Variants in CLPTM1 observed in about 807,000 individuals in gnomAD.
CLPTM1 encodes the protein putative lipid scramblase CLPTM1.
In CLPTM1, 21 loss-of-function variants were observed where a neutral mutation model predicts 77.3. The observed-to-expected ratio is 0.27, with a 90% confidence interval of 0.19 to 0.39. The LOEUF (loss-of-function observed/expected upper bound fraction) is 0.39, where lower values mean the gene tolerates loss of function less well. CLPTM1 is among the 10% of genes least tolerant of loss of function. The pLI, the probability that CLPTM1 is intolerant of heterozygous loss-of-function variation, is 1.00. For synonymous variants in CLPTM1, 373 were observed against 381.0 expected (o/e 0.98, Z 0.24); for missense variants, 642 against 921.2 (o/e 0.70, Z 3.92).
At chr19:44,977,665 A>G (rs1426083860) in intron 5 of CLPTM1, among the ~76,000 whole-genome samples, 5 of 152,128 alleles carry the variant, frequency 3.3e-5, no homozygotes, top group African/African-American at 4.8e-5. Flanking sequence ...CCCACGGAGG[A>G]AGGGAGACCC....
intron 2 of CLPTM1, among the ~76,000 whole-genome samples, chr19:44,963,207 CAAAAAAAA>C (rs778157562): frequency 6.9e-5 from 2 of 29,058 alleles, no homozygotes; most frequent in Admixed American, 4.5e-4. Context: ...GACTCCATCT[CAAAAAAAA>C]AAAAAAAAAA....
At chr19:44,983,014 T>A (rs1970922242) in intron 5 of CLPTM1, among the ~76,000 whole-genome samples, 1 of 150,332 alleles carries the variant, frequency 6.7e-6, no homozygotes, top group Non-Finnish European at 1.5e-5. Flanking sequence ...TGAGCTGAAG[T>A]CATGCCACTG....
intron 2 of CLPTM1, among the ~76,000 whole-genome samples, chr19:44,971,839 A>C (rs204483): frequency 6.7e-6 from 1 of 148,968 alleles, no homozygotes; most frequent in Non-Finnish European, 1.5e-5. Flanking sequence ...GATTACAAGC[A>C]TGAGCTGCTA....
chr19:44,963,184 G>A (rs1970571593), intron 2 of CLPTM1, among the ~76,000 whole-genome samples: 1 of 136,048 alleles, frequency 7.4e-6, no homozygotes, highest in Admixed American at 7.4e-5. Context: ...ATTCCAGCCT[G>A]GGGACAGAGT....
intron 1 of CLPTM1, among the ~76,000 whole-genome samples, chr19:44,959,307 G>A (rs1173137363): frequency 6.6e-6 from 1 of 151,446 alleles, no homozygotes; most frequent in Non-Finnish European, 1.5e-5. Flanking sequence ...GGATCCTCCT[G>A]CCTTGGCCTC....
rs569366880 is a variant in CLPTM1 at position 44,985,798 on chromosome 19, C to CGGGTGGTCCTGTGTTGGGG, written c.672+505_672+523dup. On this transcript the variant is annotated intron_variant, in intron 6 of 13. Transcript: ENST00000337392. ...GGCACTAAGAGACTTCCTCTCTCTGCGGGTGGTCCTGTGTTGGGGGGGTGG... is the reference window on the plus strand; with the variant it reads ...GGCACTAAGAGACTTCCTCTCTCTGCGGGTGGTCCTGTGTTGGGGGGGTGGTCCTGTGTTGGGGGGGTGG... Among the ~76,000 whole-genome samples the CGGGTGGTCCTGTGTTGGGG allele has an allele frequency of 3.6e-3, 545 of 152,250 alleles. 4 individuals are homozygous for CGGGTGGTCCTGTGTTGGGG. Among genetic ancestry groups the CGGGTGGTCCTGTGTTGGGG allele is most frequent in the African/African-American group, 0.013 (520 of 41,484 alleles).
chr19:44,990,540 G>A lies in CLPTM1; in HGVS notation c.1278G>A (p.Gly426=). 1 of 1,614,012 alleles carries A rather than the reference G, an allele frequency of 6.2e-7. No homozygotes were observed. Among genetic ancestry groups the A allele is most frequent in the Non-Finnish European group, 8.5e-7 (1 of 1,179,958 alleles). ...NFVVQVSVFI[G]VLIDLWKITK... ...TGGTCCAGGTCAGCGTCTTCATTGG[G>A]GTCCTCATCGACCTCTGGAAGATCA... Residue 426 remains glycine (G), a synonymous_variant, in exon 10 of 14, where the codon GGG becomes GGA. Transcript: ENST00000337392. This position sits in a 1 kb window ranked among gnomAD's most constrained non-coding sequence, Gnocchi z 4.8.
At chr19:44,970,400 ATTT>A (rs34309230) in intron 2 of CLPTM1, among the ~76,000 whole-genome samples, 23 of 119,996 alleles carry the variant, frequency 1.9e-4, no homozygotes, top group Non-Finnish European at 2.8e-4. Flanking sequence ...CTGGGCTAGC[ATTT>A]TTTTTTTTTT....
upstream of CLPTM1, chr19:44,955,156 G>A: frequency 6.5e-7 from 1 of 1,535,746 alleles, no homozygotes; most frequent in Admixed American, 2.0e-5. Context: ...AAGTCCTGGA[G>A]TTCGGAGCAT....
intron 2 of CLPTM1, among the ~76,000 whole-genome samples, chr19:44,968,339 CAT>C (rs1970666868): frequency 6.6e-6 from 1 of 152,092 alleles, no homozygotes; most frequent in African/African-American, 2.4e-5. Context: ...TTTTTGAGCA[CAT>C]GTGGTTACCT....
At chr19:44,982,836 G>T (rs970405502) in intron 5 of CLPTM1, among the ~76,000 whole-genome samples, 13 of 152,220 alleles carry the variant, frequency 8.5e-5, no homozygotes, top group Admixed American at 6.5e-4. Context: ...GCCGAGGCAG[G>T]TGGATCACTT....
At chr19:44,984,688 T>C (rs1160638205) in intron 5 of CLPTM1, 1 of 153,322 alleles carries the variant, frequency 6.5e-6, no homozygotes, top group African/African-American at 2.4e-5. Context: ...TGTTTGTTTG[T>C]TTTCTTTTTC....
chr19:44,955,533 C>T, intron 1 of CLPTM1, 66 bp downstream of exon 1: 8 of 1,236,464 alleles, frequency 6.5e-6, no homozygotes, highest in Non-Finnish European at 8.2e-6. Context: ...CGGGGCGTGT[C>T]CTACCTCTTG....
chr19:44,986,316 T>G, intron 6 of CLPTM1, 139 bp from the exon 7 acceptor site: 1 of 1,135,576 alleles, frequency 8.8e-7, no homozygotes, highest in South Asian at 1.5e-5. Context: ...TTGGGCAGCA[T>G]AGTGAGACCC....
Position 44,965,592 on chromosome 19 carries a change from T to C in CLPTM1, c.185+3517T>C, listed in dbSNP as rs189592875. Reference sequence around the variant, plus strand: ...ACTTTGGGAGGCCAAGGCAAGCAGATCACGAGGTCAGGAGATCGAGACCAT... The same window carrying C: ...ACTTTGGGAGGCCAAGGCAAGCAGACCACGAGGTCAGGAGATCGAGACCAT... On this transcript the variant is annotated intron_variant, in intron 2 of 13. Transcript: ENST00000337392. 3.9e-3 allele frequency among the ~76,000 whole-genome samples: 588 copies of C among 151,900 alleles called. 6 individuals are homozygous for C. The highest frequency in any genetic ancestry group is 3.6e-3 in the Non-Finnish European group (242 of 67,974).
chr19:44,974,446 A>G lies in CLPTM1; in HGVS notation c.317A>G (p.His106Arg). 1.2e-6 allele frequency: 2 copies of G among 1,613,126 alleles called. No homozygotes were observed. The highest frequency in any genetic ancestry group is 1.7e-6 in the Non-Finnish European group (2 of 1,179,204). Residue 106 changes from histidine (H) to arginine (R), a missense_variant, in exon 4 of 14, where the codon CAT (histidine) becomes CGT (arginine). By Grantham distance (29) the His-to-Arg change is conservative. Coordinates refer to ENST00000337392, the MANE Select transcript of CLPTM1 (RefSeq NM_001294.4). The part of the protein sequence containing the change: ...LFPKDTLMNL[H>R]VYISEHEHFT... Reference sequence around the variant, plus strand: ...CCCTTCCTGTCCCAACAGAACCTGCATGTGTACATCTCAGAGCACGAGCAC... The same window carrying G: ...CCCTTCCTGTCCCAACAGAACCTGCGTGTGTACATCTCAGAGCACGAGCAC...
intron 2 of CLPTM1, among the ~76,000 whole-genome samples, chr19:44,965,919 C>G (rs1213869140): frequency 6.6e-6 from 1 of 152,240 alleles, no homozygotes; most frequent in Non-Finnish European, 1.5e-5. Context: ...GGTCTTTAAT[C>G]TGGGAAACTG....
At position 44,985,335 on chromosome 19, in the gene CLPTM1, G is replaced by C. The variant is rs746849780; in HGVS notation, c.672+32G>C. On this transcript the variant is annotated intron_variant, in intron 6 of 13. Transcript: ENST00000337392. The stretch of plus-strand genomic sequence containing the variant: ...GGGCAGGGTTGTCAGGGCCTATAGG[G>C]ACCAAGCCAGGCCATTCACAGCTCA... 43 of 1,452,552 alleles carry C rather than the reference G, an allele frequency of 3.0e-5. No homozygotes were observed. The Admixed American group carries it at 5.4e-4, about 18-fold the overall frequency. 90.0% of individuals were successfully genotyped at this position (1,452,552 alleles called of 1,614,324 possible).
chr19:44,971,687 T>A (rs1970720185), intron 2 of CLPTM1, among the ~76,000 whole-genome samples: 1 of 152,008 alleles, frequency 6.6e-6, no homozygotes, highest in Non-Finnish European at 1.5e-5. Context: ...GTCCCCCAAG[T>A]AGCTGGGACT....
Sources: gnomAD v4.1 joint callset for allele counts (sites outside exome capture counted in the v4.1 genomes callset) on GRCh38, gnomAD v4.1.1 for gene constraint, Gnocchi (gnomAD v3.1) non-coding constraint, MANE v1.5 for transcripts, NCBI Gene and HGNC (gene_info 2026-07-23, HGNC 2026-07-21) for gene names.